UGP2: variants seen among roughly 807,000 people sequenced by gnomAD.
The protein encoded by UGP2 is UTP--glucose-1-phosphate uridylyltransferase.
A neutral mutation model predicts 49.0 loss-of-function variants in UGP2; 40 were observed. The ratio of observed to expected loss-of-function variants is 0.82; its 90% CI spans 0.63 to 1.06. UGP2 has a LOEUF of 1.06. Ranked by LOEUF, UGP2 falls within the 50% of genes least tolerant of loss-of-function variation. The pLI is 0.00. For missense variants in UGP2, 460 were observed against 603.5 expected (o/e 0.76, Z 2.49); for synonymous variants, 225 against 213.0 (o/e 1.06, Z -0.49).
At chr2:63,866,669 CTA>C (rs879371891) in intron 3 of UGP2, among the ~76,000 whole-genome samples, 6 of 152,210 alleles carry the variant, frequency 3.9e-5, no homozygotes, top group Admixed American at 3.9e-4. Flanking sequence ...GCTCTAAGAA[CTA>C]TAATTTTTAT....
At chr2:63,876,174 C>T (rs1346821181) in intron 3 of UGP2, among the ~76,000 whole-genome samples, 1 of 152,002 alleles carries the variant, frequency 6.6e-6, no homozygotes, top group African/African-American at 2.4e-5. Flanking sequence ...TGTGGGACTG[C>T]TTGGTTAGGT....
Position 63,856,339 on chromosome 2 carries a change from C to T in UGP2, c.53C>T (p.Ser18Phe), listed in dbSNP as rs767840104. 8 of 1,613,768 alleles carry T rather than the reference C, an allele frequency of 5.0e-6. No individual in the cohort carries two copies. The Admixed American group carries it at 1.2e-4, about 24-fold the overall frequency. Residue 18 changes from serine to phenylalanine, a missense_variant, in exon 2 of 10, where the codon TCT becomes TTT. Physicochemically the swap from Ser to Phe is radical, Grantham distance 155. This residue lies in a region of UGP2 where 143 missense variants were observed against 130.4 expected (regional missense o/e 1.10). Transcript: ENST00000337130. The part of the protein sequence containing the change: ...LSKAMSQDGA[S>F]QFQEVIRQEL... ...AAAGCAATGTCTCAAGATGGTGCTT[C>T]TCAGTTCCAAGAAGTCATTCGGCAA...
At chr2:63,891,084 T>C (rs1398534957) in intron 9 of UGP2, 36 bp from the exon 10 acceptor site, 2 of 1,567,290 alleles carry the variant, frequency 1.3e-6, no homozygotes, top group Non-Finnish European at 1.7e-6. Context: ...TGCATTTCAG[T>C]TGCAAGTACA....
chr2:63,841,503 C>G (rs185147551), upstream of UGP2, among the ~76,000 whole-genome samples: 2 of 152,006 alleles, frequency 1.3e-5, no homozygotes, highest in Admixed American at 6.5e-5. Context: ...CGGCCCCTAC[C>G]GAGAAAAAGC....
chr2:63,854,686 A>G (rs922034957), intron 1 of UGP2, among the ~76,000 whole-genome samples: 3 of 152,190 alleles, frequency 2.0e-5, no homozygotes, highest in Non-Finnish European at 4.4e-5. Context: ...TTTAATCACT[A>G]AAAACAGAGC....
chr2:63,889,175 G>T (rs1671899144), intron 8 of UGP2: 1 of 152,134 alleles, frequency 6.6e-6, no homozygotes, highest in Admixed American at 6.5e-5. Context: ...TCACAGGCAT[G>T]GATTTAAAAG....
chr2:63,855,370 TA>T, intron 1 of UGP2: 1 of 457,868 alleles, frequency 2.2e-6, no homozygotes, highest in Non-Finnish European at 4.3e-6. Context: ...AATCAAATAC[TA>T]AGGATAGAAG....
intron 6 of UGP2, 45 bp downstream of exon 6, chr2:63,885,931 T>G: frequency 6.7e-7 from 1 of 1,497,998 alleles, no homozygotes; most frequent in Non-Finnish European, 8.9e-7. Context: ...GTTTTCACAT[T>G]TCGTAAGTTA....
intron 3 of UGP2, among the ~76,000 whole-genome samples, chr2:63,865,414 T>C (rs1018619106): frequency 4.6e-5 from 7 of 152,152 alleles, no homozygotes; most frequent in Admixed American, 2.0e-4. Context: ...CACAAAAATA[T>C]GTTTATTGTG....
chr2:63,864,129 G>A (rs577549533), intron 3 of UGP2, among the ~76,000 whole-genome samples: 4 of 152,272 alleles, frequency 2.6e-5, no homozygotes, highest in African/African-American at 9.6e-5. Context: ...AATGATTATT[G>A]CCAGTGTTTG....
intron 3 of UGP2, among the ~76,000 whole-genome samples, chr2:63,876,224 A>AGT (rs755427852): frequency 1.3e-5 from 2 of 151,950 alleles, no homozygotes; most frequent in African/African-American, 2.4e-5. Context: ...AAGAGAGAAC[A>AGT]CCTCTGCTGA....
intron 3 of UGP2, among the ~76,000 whole-genome samples, chr2:63,870,885 C>G (rs1025205869): frequency 6.6e-6 from 1 of 152,080 alleles, no homozygotes; most frequent in Non-Finnish European, 1.5e-5. Context: ...GCTCCCAAAG[C>G]CAAGAGCTGC....
intron 1 of UGP2, among the ~76,000 whole-genome samples, chr2:63,846,951 T>TA (rs1342895228): frequency 4.0e-5 from 6 of 151,714 alleles, no homozygotes; most frequent in African/African-American, 1.2e-4. Context: ...GTTATAAATG[T>TA]AAAAAAAAAT....
intron 3 of UGP2, among the ~76,000 whole-genome samples, chr2:63,863,591 C>T (rs1669991338): frequency 6.6e-6 from 1 of 152,168 alleles, no homozygotes; most frequent in Non-Finnish European, 1.5e-5. Flanking sequence ...AAGCAACTTA[C>T]AATATGTGTT....
chr2:63,850,487 A>G (rs1379782309), intron 1 of UGP2, among the ~76,000 whole-genome samples: 1 of 152,226 alleles, frequency 6.6e-6, no homozygotes, highest in Non-Finnish European at 1.5e-5. Context: ...ATTGAATGAC[A>G]TGGAATATTT....
chr2:63,880,993 A>T lies in UGP2; in HGVS notation c.256-1473A>T, dbSNP rs566314480. Among the ~76,000 whole-genome samples the T allele has an allele frequency of 1.7e-4, 26 of 152,354 alleles. No individual in the cohort carries two copies. In the South Asian group the frequency reaches 5.0e-3, roughly 29 times the overall value. The stretch of plus-strand genomic sequence containing the variant: ...CTACTTAGCAGCACTTACCAGGAAG[A>T]TTGACAATCCTACCACATGAGGAAA... On this transcript the variant is annotated intron_variant, in intron 3 of 9. Transcript: ENST00000337130.
rs1672124508 is a variant in UGP2 at position 63,891,137 on chromosome 2, T to C, written c.1437T>C (p.Ile479=). ...NVSLKGTVII[I]ANHGDRIDIP... is the part of the protein sequence containing the mutation. ...TCACTTAGGGAACGGTTATCATCAT[T>C]GCAAATCATGGTGACAGAATTGATA... is the stretch of plus-strand genomic sequence containing the variant. Residue 479 remains isoleucine, a synonymous_variant, in exon 10 of 10, where the codon ATT becomes ATC. Coordinates refer to ENST00000337130, the MANE Select transcript of UGP2 (RefSeq NM_006759.4). The C allele has an allele frequency of 6.2e-7, 1 of 1,613,400 alleles. No homozygotes were observed. The highest frequency in any genetic ancestry group is 8.5e-7 in the Non-Finnish European group (1 of 1,179,640).
chr2:63,862,778 C>T (rs1669937963), intron 3 of UGP2: 1 of 454,792 alleles, frequency 2.2e-6, no homozygotes, highest in Non-Finnish European at 4.4e-6. Flanking sequence ...ATTTCCACCC[C>T]ACAGAGAAAG....
chr2:63,885,999 TTC>T (rs1411936913), intron 6 of UGP2, 113 bp downstream of exon 6: 11 of 1,208,312 alleles, frequency 9.1e-6, no homozygotes, highest in South Asian at 7.3e-5. Context: ...ATTTAATATG[TTC>T]TGTTTGACAT....
Sources: allele counts gnomAD v4.1 joint callset (sites outside exome capture counted in the v4.1 genomes callset), GRCh38; gene constraint gnomAD v4.1.1; regional missense constraint gnomAD v4.1.1; transcripts MANE v1.5; gene names NCBI Gene and HGNC (gene_info 2026-07-23, HGNC 2026-07-21).